Variants in FAM169A observed in about 807,000 individuals in gnomAD.
FAM169A encodes the protein family with sequence similarity 169 member A, also known as soluble lamin-associated protein of 75 kDa.
Under a neutral mutation model 75.7 loss-of-function variants are expected in FAM169A, and 24 were observed. The ratio of observed to expected loss-of-function variants is 0.32; its 90% CI spans 0.23 to 0.45. The LOEUF (loss-of-function observed/expected upper bound fraction) is 0.45, where lower values mean the gene tolerates loss of function less well. FAM169A is among the 20% of genes least tolerant of loss of function. FAM169A has a pLI of 1.00. For missense variants in FAM169A, 673 were observed against 784.0 expected (o/e 0.86, Z 1.69); for synonymous variants, 271 against 271.0 (o/e 1.00, Z 0.00).
At chr5:74,832,613 C>T (rs1172669546) in intron 5 of FAM169A, among the ~76,000 whole-genome samples, 1 of 149,180 alleles carries the variant, frequency 6.7e-6, no homozygotes, top group Non-Finnish European at 1.5e-5. Context: ...TATATAAATA[C>T]ATACGTTGTA....
intron 4 of FAM169A, among the ~76,000 whole-genome samples, chr5:74,835,649 C>G (rs1440522235): frequency 6.6e-6 from 1 of 151,740 alleles, no homozygotes; most frequent in Non-Finnish European, 1.5e-5. Flanking sequence ...CCTATATTCC[C>G]CCAGGTCTCT....
intron 1 of FAM169A, among the ~76,000 whole-genome samples, chr5:74,860,957 G>C (rs533746603): frequency 4.0e-5 from 6 of 151,876 alleles, no homozygotes; most frequent in African/African-American, 1.4e-4. Context: ...CCAACATGGT[G>C]AAACCCCGTA....
intron 1 of FAM169A, among the ~76,000 whole-genome samples, chr5:74,864,786 T>C (rs1159198849): frequency 1.3e-5 from 2 of 152,228 alleles, no homozygotes; most frequent in Admixed American, 6.5e-5. Context: ...GTTTTATCTT[T>C]GTTTGCGCTT....
chr5:74,838,376 G>A (rs1748680795), intron 4 of FAM169A, among the ~76,000 whole-genome samples: 1 of 151,872 alleles, frequency 6.6e-6, no homozygotes, highest in Non-Finnish European at 1.5e-5. Context: ...GTTACATCTT[G>A]GTTTCTATAG....
rs921630036 is a variant in FAM169A, at chr5:74,779,964, T to G, written c.*1496A>C. Reference sequence around the variant, plus strand: ...ATAAGGATCAAGATCAAGCTATTTTTAAAACAATTTAAATGGTCTCAAAAC... The same window carrying G: ...ATAAGGATCAAGATCAAGCTATTTTGAAAACAATTTAAATGGTCTCAAAAC... On this transcript the variant is annotated 3_prime_UTR_variant, in exon 13 of 13. Transcript: ENST00000687041. 6.6e-6 allele frequency: 1 copy of G among 152,208 alleles called. No homozygotes were observed. Among genetic ancestry groups the G allele is most frequent in the African/African-American group, 2.4e-5 (1 of 41,450 alleles). 9.4% of individuals were successfully genotyped at this position (152,208 alleles called of 1,614,324 possible).
At chr5:74,830,744 C>T (rs962292780) in intron 5 of FAM169A, among the ~76,000 whole-genome samples, 1 of 151,858 alleles carries the variant, frequency 6.6e-6, no homozygotes, top group African/African-American at 2.4e-5. Flanking sequence ...CAAGATAATG[C>T]CCAAACTTGA....
chr5:74,861,042 C>T lies in FAM169A; in HGVS notation c.-4+5123G>A, dbSNP rs181523704. Among the ~76,000 whole-genome samples the T allele has an allele frequency of 7.9e-4, 121 of 152,222 alleles. 1 individual carries two copies. Among genetic ancestry groups the T allele is most frequent in the Admixed American group, 1.7e-3 (26 of 15,290 alleles). On this transcript the variant is annotated intron_variant, in intron 1 of 12. Coordinates refer to ENST00000687041, the MANE Select transcript of FAM169A (RefSeq NM_001376049.1). ...ATCCCAGCTACTCAGGGGGCTGAGA[C>T]AGGAGAATCCCTTGAACCCAAGAGG...
chr5:74,795,125 G>A (rs943532664), intron 11 of FAM169A, among the ~76,000 whole-genome samples: 5 of 151,986 alleles, frequency 3.3e-5, no homozygotes, highest in African/African-American at 1.2e-4. Flanking sequence ...GGGTATGGTG[G>A]GGGGAACCTG....
intron 4 of FAM169A, among the ~76,000 whole-genome samples, chr5:74,834,919 C>T (rs1313734106): frequency 1.3e-5 from 2 of 151,818 alleles, no homozygotes; most frequent in Admixed American, 6.6e-5. Context: ...CTTCCAGCTG[C>T]CCAGATCCAG....
At chr5:74,828,307 C>T (rs746903072) in intron 5 of FAM169A, among the ~76,000 whole-genome samples, 19 of 152,168 alleles carry the variant, frequency 1.2e-4, no homozygotes, top group African/African-American at 2.2e-4. Flanking sequence ...GTCACTTTTA[C>T]ACTACTACAA....
intron 10 of FAM169A, among the ~76,000 whole-genome samples, 184 bp from the exon 11 acceptor site, chr5:74,796,370 T>C (rs187284797): frequency 1.3e-5 from 2 of 152,070 alleles, no homozygotes; most frequent in Non-Finnish European, 2.9e-5. Flanking sequence ...TTATGTAAAC[T>C]AGACCCTTCT....
At chr5:74,791,289 G>A (rs1745962152) in intron 11 of FAM169A, among the ~76,000 whole-genome samples, 2 of 152,158 alleles carry the variant, frequency 1.3e-5, no homozygotes, top group Non-Finnish European at 2.9e-5. Flanking sequence ...TTCTCCCATA[G>A]CCAGGATTCA....
At position 74,851,859 on chromosome 5, in the gene FAM169A, C is replaced by T. The variant is rs147693806; in HGVS notation, c.-3-10180G>A. ...TACATTATACCTGGCTTCTCTACCA[C>T]GTATCTGACTATACAGGGACTTTAG... On this transcript the variant is annotated intron_variant, in intron 1 of 12. Coordinates refer to ENST00000687041, the MANE Select transcript of FAM169A (RefSeq NM_001376049.1). Among the ~76,000 whole-genome samples, 499 of 152,264 alleles carry T rather than the reference C, an allele frequency of 3.3e-3. 2 individuals are homozygous for T. The highest frequency in any genetic ancestry group is 0.011 in the African/African-American group (439 of 41,534).
At chr5:74,852,658 C>T (rs190843514) in intron 1 of FAM169A, among the ~76,000 whole-genome samples, 11 of 151,806 alleles carry the variant, frequency 7.2e-5, no homozygotes, top group East Asian at 1.9e-4. Flanking sequence ...ACACCGAGAA[C>T]GGCAAGTAGT....
intron 1 of FAM169A, among the ~76,000 whole-genome samples, chr5:74,859,688 C>T (rs964726965): frequency 1.3e-5 from 2 of 152,066 alleles, no homozygotes; most frequent in Admixed American, 6.6e-5. Context: ...AGATACATCA[C>T]GATTTTTTTT....
chr5:74,866,345 G>A lies in FAM169A; in HGVS notation c.-184C>T. On this transcript the variant is annotated 5_prime_UTR_variant, in exon 1 of 13. Transcript: ENST00000687041. The stretch of plus-strand genomic sequence containing the variant: ...CCCGGACGCCCGGCTCCTCGTCGCG[G>A]GTCGGCCGCGGCCCACCGTGCCCTC... 7.1e-6 allele frequency: 7 copies of A among 984,518 alleles called. No homozygotes were observed. The highest frequency in any genetic ancestry group is 8.4e-6 in the Non-Finnish European group (7 of 829,666). The allele number at this position is 984,518 out of a possible 1,614,324, so 61.0% of individuals were successfully genotyped here.
intron 4 of FAM169A, among the ~76,000 whole-genome samples, chr5:74,835,425 C>T (rs930111753): frequency 6.6e-6 from 1 of 151,456 alleles, no homozygotes; most frequent in African/African-American, 2.4e-5. Context: ...ATGGCAAAAC[C>T]CACCCGTCTC....
intron 5 of FAM169A, among the ~76,000 whole-genome samples, chr5:74,830,304 CGAA>C (rs1561312358): frequency 6.6e-6 from 1 of 152,078 alleles, no homozygotes; most frequent in Non-Finnish European, 1.5e-5. Flanking sequence ...TCTTCAATGT[CGAA>C]CATGATGTGC....
At chr5:74,844,897 T>C (rs1239115485) in intron 1 of FAM169A, among the ~76,000 whole-genome samples, 2 of 152,234 alleles carry the variant, frequency 1.3e-5, no homozygotes, top group African/African-American at 2.4e-5. Flanking sequence ...ATAAAGTTAG[T>C]ATAGAATATC....
Sources: allele counts gnomAD v4.1 joint callset (sites outside exome capture counted in the v4.1 genomes callset), GRCh38; gene constraint gnomAD v4.1.1; transcripts MANE v1.5; gene names NCBI Gene and HGNC (gene_info 2026-07-23, HGNC 2026-07-21).